RAB3IP: variants seen among roughly 807,000 people sequenced by gnomAD.
RAB3IP encodes the protein RAB3A interacting protein, also known as rab-3A-interacting protein.
RAB3IP carries 36 observed loss-of-function variants against 59.1 expected under a neutral mutation model. The observed-to-expected ratio is 0.61, with a 90% CI of 0.47 to 0.80. The LOEUF (loss-of-function observed/expected upper bound fraction) is 0.80. Ranked by LOEUF, RAB3IP falls within the 30% of genes least tolerant of loss-of-function variation. The pLI is 0.00. For synonymous variants in RAB3IP, 207 were observed against 191.2 expected, an observed-to-expected ratio of 1.08 and a Z score of -0.68; for missense variants, 511 against 536.0, an observed-to-expected ratio of 0.95 and a Z score of 0.46.
In RAB3IP at chr12:69,821,049, C is replaced by G. The variant is rs1406802288; in HGVS notation, c.*5603C>G. 1 of 152,004 alleles carries G rather than the reference C, an allele frequency of 6.6e-6. No individual in the cohort carries two copies. The highest frequency in any genetic ancestry group is 1.5e-5 in the Non-Finnish European group (1 of 67,998). 9.4% of individuals were successfully genotyped at this position (152,004 alleles called of 1,614,324 possible). A position where few individuals can be genotyped will look rare whatever the true frequency, so the allele number is the denominator to read the frequency against. ...GAAACCCTTCCTAAAGGCAGCTTCT[C>G]AAGGGAGCACAAGTTCACACACAGT... On this transcript the variant is annotated 3_prime_UTR_variant, in exon 11 of 11. Transcript: ENST00000247833.
chr12:69,810,292 G>T (rs983686465), intron 8 of RAB3IP, among the ~76,000 whole-genome samples: 1 of 152,328 alleles, frequency 6.6e-6, no homozygotes, highest in Non-Finnish European at 1.5e-5. Flanking sequence ...GCAGTGTGAG[G>T]TGTCAGTCCG....
chr12:69,739,742 C>T (rs1887094803), intron 1 of RAB3IP: 1 of 1,188,688 alleles, frequency 8.4e-7, no homozygotes, highest in African/African-American at 1.5e-5. Context: ...TCTGCCCTCC[C>T]AGCGTTGACA....
At chr12:69,755,073 T>G (rs1869966535) in intron 1 of RAB3IP, among the ~76,000 whole-genome samples, 1 of 152,008 alleles carries the variant, frequency 6.6e-6, no homozygotes, top group Admixed American at 6.5e-5. Flanking sequence ...GATTGTGGTG[T>G]TTTGTTTTTG....
chr12:69,748,501 C>T (rs940191912), intron 1 of RAB3IP, among the ~76,000 whole-genome samples: 1 of 152,034 alleles, frequency 6.6e-6, no homozygotes, highest in African/African-American at 2.4e-5. Flanking sequence ...GTACTGATTT[C>T]GAGAAAGAAA....
intron 3 of RAB3IP, among the ~76,000 whole-genome samples, chr12:69,772,244 T>C (rs949282566): frequency 1.2e-4 from 19 of 152,358 alleles, no homozygotes; most frequent in African/African-American, 4.3e-4. Flanking sequence ...TCCTGCTTTC[T>C]CTTGTTTTTC....
chr12:69,762,425 A>G (rs1201039675), intron 3 of RAB3IP, among the ~76,000 whole-genome samples: 1 of 152,216 alleles, frequency 6.6e-6, no homozygotes, highest in Non-Finnish European at 1.5e-5. Context: ...TAAAAGGTGA[A>G]ATCTGCTGTA....
At chr12:69,804,041 A>G (rs558298623) in intron 8 of RAB3IP, among the ~76,000 whole-genome samples, 2 of 152,194 alleles carry the variant, frequency 1.3e-5, no homozygotes, top group South Asian at 4.1e-4. Context: ...GTCAAATGGT[A>G]TTTCTAGTTC....
chr12:69,743,993 A>T (rs893459546), intron 1 of RAB3IP, among the ~76,000 whole-genome samples: 31 of 152,202 alleles, frequency 2.0e-4, no homozygotes, highest in African/African-American at 4.6e-4. Context: ...TGATTTTTTT[A>T]AAAAATTATA....
At chr12:69,739,979 C>G (rs931500114) in intron 1 of RAB3IP, 2 of 975,816 alleles carry the variant, frequency 2.0e-6, no homozygotes, top group Non-Finnish European at 3.2e-6. Flanking sequence ...ATACACTCTC[C>G]TGTTTCACCC....
At chr12:69,793,864 G>C (rs772116969) in intron 4 of RAB3IP, among the ~76,000 whole-genome samples, 2 of 152,112 alleles carry the variant, frequency 1.3e-5, no homozygotes, top group African/African-American at 2.4e-5. Context: ...TAAATACCTA[G>C]AGTTTCATAT....
At chr12:69,744,691 CAAAAA>C (rs11302589) in intron 1 of RAB3IP, among the ~76,000 whole-genome samples, 1 of 130,022 alleles carries the variant, frequency 7.7e-6, no homozygotes. Context: ...GACTGCATCT[CAAAAA>C]AAAAAAAAAA....
At position 69,817,766 on chromosome 12, in the gene RAB3IP, G is replaced by A. The variant is rs1188025040; in HGVS notation, c.*2320G>A. ...TCAAGTCCAACTTGGGCAACATAGGGAGACCTTGTCTCTAAAAAAAAAACT... is the reference window on the plus strand; with the variant it reads ...TCAAGTCCAACTTGGGCAACATAGGAAGACCTTGTCTCTAAAAAAAAAACT... On this transcript the variant is annotated 3_prime_UTR_variant, in exon 11 of 11. Coordinates refer to ENST00000247833, the MANE Select transcript of RAB3IP (RefSeq NM_022456.5). 1 of 150,916 alleles carries A rather than the reference G, an allele frequency of 6.6e-6. No individual in the cohort carries two copies. Among genetic ancestry groups the A allele is most frequent in the Non-Finnish European group, 1.5e-5 (1 of 67,420 alleles). The allele number at this position is 150,916 out of a possible 1,614,324, so 9.3% of individuals were successfully genotyped here. A position where few individuals can be genotyped will look rare whatever the true frequency, so the allele number is the denominator to read the frequency against.
chr12:69,796,598 T>G (rs1333817442), intron 6 of RAB3IP: 3 of 611,440 alleles, frequency 4.9e-6, no homozygotes, highest in Non-Finnish European at 8.8e-6. Flanking sequence ...GTTAACCTGT[T>G]TTAATTGAAT....
intron 2 of RAB3IP, 76 bp from the exon 3 acceptor site, chr12:69,756,329 C>T: frequency 2.0e-6 from 3 of 1,480,068 alleles, no homozygotes; most frequent in Non-Finnish European, 2.8e-6. Context: ...TAGTACAGTT[C>T]TAGAGCTGTG....
intron 8 of RAB3IP, among the ~76,000 whole-genome samples, chr12:69,807,417 A>G (rs1283215326): frequency 2.1e-5 from 3 of 145,378 alleles, no homozygotes; most frequent in Non-Finnish European, 4.5e-5. Flanking sequence ...CTCACCTCCC[A>G]GACGGGGCGG....
intron 1 of RAB3IP, 43 bp from the exon 2 acceptor site, chr12:69,755,341 G>T (rs954498532): frequency 6.8e-7 from 1 of 1,463,994 alleles, no homozygotes; most frequent in African/African-American, 1.4e-5. Context: ...AGTTTTAAAT[G>T]TTATTATCTA....
At position 69,756,589 on chromosome 12, in the gene RAB3IP, C is replaced by T. The variant is rs372760112; in HGVS notation, c.436C>T (p.Arg146Ter). The T allele has an allele frequency of 1.6e-5, 26 of 1,613,870 alleles. No homozygotes were observed. The highest frequency in any genetic ancestry group is 4.5e-5 in the East Asian group (2 of 44,882). The change falls in exon 3 of 11, where the codon CGA (arginine) becomes TGA (stop). Residue 146 changes from arginine (R) to a stop codon, truncating the protein, a stop_gained. Transcript: ENST00000247833. LOFTEE classifies it high-confidence loss of function. ...GLSTDSLSRL[R>*]SPSVLEVREK... ...GAGTACTGATAGTCTGTCTCGTTTA[C>T]GAAGCCCATCTGTTTTGGAAGTTAG...
rs1309010237 is a variant in RAB3IP at position 69,819,665 on chromosome 12, T to A, written c.*4219T>A. The stretch of plus-strand genomic sequence containing the variant: ...AGCATGCTGATTATGTTCAGGAGAG[T>A]GTTTCTACGCTGAATTTAATTGCCA... On this transcript the variant is annotated 3_prime_UTR_variant, in exon 11 of 11. Coordinates refer to ENST00000247833, the MANE Select transcript of RAB3IP (RefSeq NM_022456.5). 2.0e-5 allele frequency: 3 copies of A among 151,896 alleles called. No individual in the cohort carries two copies. Among genetic ancestry groups the A allele is most frequent in the Non-Finnish European group, 2.9e-5 (2 of 67,990 alleles). 9.4% of individuals were successfully genotyped at this position (151,896 alleles called of 1,614,324 possible). A position where few individuals can be genotyped will look rare whatever the true frequency, so the allele number is the denominator to read the frequency against.
At chr12:69,782,839 A>C (rs1402282593) in intron 3 of RAB3IP, among the ~76,000 whole-genome samples, 1 of 151,794 alleles carries the variant, frequency 6.6e-6, no homozygotes, top group African/African-American at 2.4e-5. Context: ...TTTAATCTGA[A>C]ACATTCTCTG....
Sources: allele counts gnomAD v4.1 joint callset (sites outside exome capture counted in the v4.1 genomes callset), GRCh38; gene constraint gnomAD v4.1.1; transcripts MANE v1.5; gene names NCBI Gene and HGNC (gene_info 2026-07-23, HGNC 2026-07-21).